KCNJ16: variants seen among roughly 807,000 people sequenced by gnomAD.
KCNJ16 encodes the protein potassium inwardly rectifying channel subfamily J member 16.
KCNJ16 carries 15 observed loss-of-function variants against 18.5 expected under a neutral mutation model. The ratio of observed to expected loss-of-function variants is 0.81; its 90% CI spans 0.54 to 1.25. KCNJ16 has a LOEUF of 1.25. KCNJ16 is among the 50% of genes most tolerant of loss of function. The probability of loss-of-function intolerance (pLI) is 0.00; values close to 1 mark genes in which losing one functional copy is unlikely to be tolerated. For missense variants in KCNJ16, 523 were observed against 525.7 expected, an observed-to-expected ratio of 0.99 and a Z score of 0.05; for synonymous variants, 174 against 186.5, an observed-to-expected ratio of 0.93 and a Z score of 0.55.
intron 1 of KCNJ16, among the ~76,000 whole-genome samples, chr17:70,079,240 T>C (rs8064623): frequency 0.9 from 136,656 of 152,234 alleles, 61,459 homozygotes; most frequent in East Asian, 1. Flanking sequence ...GAAACTTGGA[T>C]GGCATTTGTA....
At chr17:70,077,589 A>G (rs2071368316) in intron 1 of KCNJ16, among the ~76,000 whole-genome samples, 1 of 152,194 alleles carries the variant, frequency 6.6e-6, no homozygotes, top group African/African-American at 2.4e-5. Context: ...ACAGGAAATT[A>G]AGAAATCTAA....
chr17:70,129,540 C>A (rs1462102752), intron 2 of KCNJ16, among the ~76,000 whole-genome samples: 2 of 152,110 alleles, frequency 1.3e-5, no homozygotes, highest in Non-Finnish European at 2.9e-5. Context: ...AGACAACTGT[C>A]TTTTAAAAAA....
At chr17:70,090,735 GGCTAACCCACTCACAATACC>G (rs1567781360) in intron 1 of KCNJ16, among the ~76,000 whole-genome samples, 7 of 136,430 alleles carry the variant, frequency 5.1e-5, no homozygotes, top group African/African-American at 1.4e-4. Flanking sequence ...CTCACAATAT[GGCTAACCCACTCACAATACC>G]GCTAACCCAC....
rs2074105097 is a variant in KCNJ16 at position 70,132,760 on chromosome 17, G to A, written c.673G>A (p.Glu225Lys). 6.2e-7 allele frequency: 1 copy of A among 1,613,894 alleles called. No individual in the cohort carries two copies. The highest frequency in any genetic ancestry group is 1.3e-5 in the African/African-American group (1 of 74,912). Residue 225 changes from glutamate to lysine, a missense_variant, in exon 4 of 4, where the codon GAA becomes AAA. Physicochemically the swap from Glu to Lys is moderately conservative, Grantham distance 56. Coordinates refer to ENST00000392671, the MANE Select transcript of KCNJ16 (RefSeq NM_170741.4). Reference protein sequence around the residue: ...TVRAQLLRYTEDSEGRMTMAF... With the variant: ...TVRAQLLRYTKDSEGRMTMAF... ...TAGAGCCCAACTTCTCCGCTATACA[G>A]AAGACAGTGAAGGGAGGATGACGAT...
At chr17:70,088,311 C>G (rs531132983) in intron 1 of KCNJ16, among the ~76,000 whole-genome samples, 2 of 152,206 alleles carry the variant, frequency 1.3e-5, no homozygotes, top group African/African-American at 4.8e-5. Flanking sequence ...CTAGATCCCT[C>G]GGATGTGCAG....
intron 2 of KCNJ16, among the ~76,000 whole-genome samples, chr17:70,109,468 T>C (rs527838778): frequency 1.3e-5 from 2 of 152,290 alleles, no homozygotes; most frequent in Admixed American, 1.3e-4. Flanking sequence ...GCCATACCTA[T>C]TTGATGCAGA....
intron 2 of KCNJ16, among the ~76,000 whole-genome samples, chr17:70,129,085 G>A (rs1374334751): frequency 6.6e-6 from 1 of 152,228 alleles, no homozygotes; most frequent in African/African-American, 2.4e-5. Flanking sequence ...CTGGGCCTGA[G>A]AAGGGAGGAG....
chr17:70,102,936 T>G (rs150892228), intron 2 of KCNJ16, among the ~76,000 whole-genome samples: 1 of 151,912 alleles, frequency 6.6e-6, no homozygotes, highest in African/African-American at 2.4e-5. Context: ...CTTTTTCTTT[T>G]TCCTTTCCTT....
At chr17:70,100,363 A>G (rs1424373446) in intron 1 of KCNJ16, among the ~76,000 whole-genome samples, 1 of 152,180 alleles carries the variant, frequency 6.6e-6, no homozygotes, top group African/African-American at 2.4e-5. Context: ...CTTTTCTCCA[A>G]GATCAACGCC....
intron 1 of KCNJ16, among the ~76,000 whole-genome samples, chr17:70,094,923 G>A (rs2072285293): frequency 6.6e-6 from 1 of 152,108 alleles, no homozygotes; most frequent in Non-Finnish European, 1.5e-5. Flanking sequence ...TCATCACTGA[G>A]CATTTGTCAC....
In KCNJ16 at chr17:70,103,296, G is replaced by GTGTGTGTGTGTGTA. The variant is rs1408960241; in HGVS notation, c.-191+2531_-191+2532insGTGTGTGTGTGTAT. On this transcript the variant is annotated intron_variant, in intron 2 of 3. Coordinates refer to ENST00000392671, the MANE Select transcript of KCNJ16 (RefSeq NM_170741.4). ...ATATAATATGCATATATGTGTGTGT[G>GTGTGTGTGTGTGTA]TATATATATATATATATATATATAT... is the stretch of plus-strand genomic sequence containing the variant. Among the ~76,000 whole-genome samples, 228 of 72,038 alleles carry GTGTGTGTGTGTGTA rather than the reference G, an allele frequency of 3.2e-3. 2 individuals are homozygous for GTGTGTGTGTGTGTA. The highest frequency in any genetic ancestry group is 9.3e-3 in the African/African-American group (210 of 22,486). 47.3% of individuals were successfully genotyped at this position (72,038 alleles called of 152,430 possible).
chr17:70,115,030 G>A (rs935604811), intron 2 of KCNJ16, among the ~76,000 whole-genome samples: 1 of 152,096 alleles, frequency 6.6e-6, no homozygotes. Context: ...CAAAGACGTC[G>A]ATTAGTTGGT....
chr17:70,109,462 T>C (rs1248946082), intron 2 of KCNJ16, among the ~76,000 whole-genome samples: 1 of 152,192 alleles, frequency 6.6e-6, no homozygotes, highest in Non-Finnish European at 1.5e-5. Flanking sequence ...TTTTTTGCCA[T>C]ACCTATTTGA....
intron 2 of KCNJ16, among the ~76,000 whole-genome samples, chr17:70,105,478 A>C (rs1040837342): frequency 2.6e-5 from 4 of 152,134 alleles, no homozygotes; most frequent in African/African-American, 7.2e-5. Flanking sequence ...TGTCTTTGTC[A>C]CTCTTCCACT....
At position 70,110,484 on chromosome 17, in the gene KCNJ16, A is replaced by G. The variant is rs199788093; in HGVS notation, c.-191+9718A>G. ...ACACACCTACACACTTCGTGCGCGC[A>G]CACACACACACACACACAAACTCAT... On this transcript the variant is annotated intron_variant, in intron 2 of 3. Coordinates refer to ENST00000392671, the MANE Select transcript of KCNJ16 (RefSeq NM_170741.4). 1.1e-3 allele frequency among the ~76,000 whole-genome samples: 160 copies of G among 149,396 alleles called. 1 individual carries two copies. The highest frequency in any genetic ancestry group is 2.5e-3 in the South Asian group (12 of 4,728).
intron 1 of KCNJ16, among the ~76,000 whole-genome samples, chr17:70,079,241 G>A (rs554294850): frequency 5.9e-5 from 9 of 152,266 alleles, no homozygotes; most frequent in Admixed American, 2.0e-4. Context: ...AAACTTGGAT[G>A]GCATTTGTAT....
rs1355321697 is a variant in KCNJ16 at position 70,133,220 on chromosome 17, C to T, written c.1133C>T (p.Ala378Val). The T allele has an allele frequency of 4.3e-6, 7 of 1,614,086 alleles. No homozygotes were observed. Among genetic ancestry groups the T allele is most frequent in the Admixed American group, 1.7e-5 (1 of 59,996 alleles). The change falls in exon 4 of 4, where the codon GCC (alanine) becomes GTC (valine). Residue 378 changes from alanine (A) to valine (V), a missense_variant. Ala to Val is a moderately conservative substitution (Grantham distance 64, BLOSUM62 0). Coordinates refer to ENST00000392671, the MANE Select transcript of KCNJ16 (RefSeq NM_170741.4). The part of the protein sequence containing the change: ...KARRRSFSAV[A>V]IVSSCENPEE... ...AGACGAAGGTCATTTAGTGCAGTTGCCATTGTCAGCAGCTGTGAAAACCCT... is the reference window on the plus strand; with the variant it reads ...AGACGAAGGTCATTTAGTGCAGTTGTCATTGTCAGCAGCTGTGAAAACCCT...
intron 1 of KCNJ16, among the ~76,000 whole-genome samples, chr17:70,092,854 T>C (rs1331917364): frequency 6.6e-6 from 1 of 152,168 alleles, no homozygotes; most frequent in African/African-American, 2.4e-5. Context: ...AAGATGTTTG[T>C]CCTTCCTCCA....
chr17:70,132,535 G>GTGATC lies in KCNJ16; in HGVS notation c.449_453dup (p.Leu152Ter). ...AGAATGTTCTGTGGCCGTGCTCATG[G>GTGATC]TGATCCTCCAGTCCATCTTAAGTTG... On this transcript the variant is annotated frameshift_variant, in exon 4 of 4. Transcript: ENST00000392671. LOFTEE classifies it high-confidence loss of function. 2 of 1,614,184 alleles carry GTGATC rather than the reference G, an allele frequency of 1.2e-6. No homozygotes were observed. The highest frequency in any genetic ancestry group is 1.7e-6 in the Non-Finnish European group (2 of 1,180,036).
Sources: gnomAD v4.1 joint callset for allele counts (sites outside exome capture counted in the v4.1 genomes callset) on GRCh38, gnomAD v4.1.1 for gene constraint, MANE v1.5 for transcripts, NCBI Gene and HGNC (gene_info 2026-07-23, HGNC 2026-07-21) for gene names.